JAM3: variants seen among roughly 807,000 people sequenced by gnomAD.
JAM3 encodes the protein junctional adhesion molecule C.
In JAM3, 31 loss-of-function variants were observed where a neutral mutation model predicts 39.4. That is an observed-to-expected ratio of 0.79 (90% confidence interval 0.59 to 1.06). JAM3 has a LOEUF of 1.06. Ranked by LOEUF, JAM3 falls within the 50% of genes least tolerant of loss-of-function variation. The pLI is 0.00. For missense variants in JAM3, 455 were observed against 391.4 expected (o/e 1.16, Z -1.37); for synonymous variants, 182 against 148.7 (o/e 1.22, Z -1.63).
chr11:134,116,354 T>C (rs1290269066), intron 1 of JAM3, among the ~76,000 whole-genome samples: 1 of 152,248 alleles, frequency 6.6e-6, no homozygotes, highest in East Asian at 1.9e-4. Context: ...TCTACATTTG[T>C]TCATTGTAAT....
At chr11:134,092,272 G>A (rs1280478240) in intron 1 of JAM3, among the ~76,000 whole-genome samples, 2 of 152,064 alleles carry the variant, frequency 1.3e-5, no homozygotes, top group Non-Finnish European at 2.9e-5. Flanking sequence ...GTTGCCTGGC[G>A]GAGCCCTCCT....
intron 1 of JAM3, among the ~76,000 whole-genome samples, chr11:134,115,076 C>T (rs913941605): frequency 6.6e-6 from 1 of 152,000 alleles, no homozygotes; most frequent in Admixed American, 6.6e-5. Flanking sequence ...ATGAATTGAC[C>T]TCTTTATCGA....
intron 6 of JAM3, among the ~76,000 whole-genome samples, chr11:134,146,601 TTTG>T (rs1943076749): frequency 6.6e-6 from 1 of 152,080 alleles, no homozygotes; most frequent in Non-Finnish European, 1.5e-5. Flanking sequence ...AGGGTCTTGC[TTTG>T]TTGCCCAGGC....
chr11:134,149,284 C>T lies in JAM3; in HGVS notation c.*103C>T. On this transcript the variant is annotated 3_prime_UTR_variant, in exon 9 of 9. Transcript: ENST00000299106. ...GCTGATGCACTCGGACAGAGCTAGA[C>T]ACTCATTCAGAAGCTTTTCGTTTTG... 2 of 1,389,830 alleles carry T rather than the reference C, an allele frequency of 1.4e-6. No individual in the cohort carries two copies. The highest frequency in any genetic ancestry group is 2.0e-6 in the Non-Finnish European group (2 of 988,320). 86.1% of individuals were successfully genotyped at this position (1,389,830 alleles called of 1,614,324 possible).
At chr11:134,101,349 A>G (rs2120682474) in intron 1 of JAM3, among the ~76,000 whole-genome samples, 1 of 152,344 alleles carries the variant, frequency 6.6e-6, no homozygotes, top group East Asian at 1.9e-4. Context: ...GAGGACAGCT[A>G]TTTAACTATA....
intron 1 of JAM3, among the ~76,000 whole-genome samples, chr11:134,091,703 A>G (rs1323277924): frequency 6.6e-6 from 1 of 151,986 alleles, no homozygotes. Context: ...GAGACAAGTT[A>G]TCACTTAGAA....
intron 6 of JAM3, among the ~76,000 whole-genome samples, chr11:134,147,526 A>C (rs12270157): frequency 1.4e-5 from 2 of 145,906 alleles, no homozygotes; most frequent in South Asian, 2.2e-4. Flanking sequence ...TCGCTCTGTC[A>C]CCCAGGCTGG....
Position 134,123,884 on chromosome 11 carries a change from T to G in JAM3, c.77-15967T>G. The G allele has an allele frequency of 1.6e-5, 15 of 916,706 alleles. No homozygotes were observed. The South Asian group carries it at 1.8e-4, about 11-fold the overall frequency. 56.8% of individuals were successfully genotyped at this position (916,706 alleles called of 1,614,324 possible). Reference sequence around the variant, plus strand: ...AGCGTAATCACATCTTAGGTCAGTATTTCTCCAAGTAAAGCAGCTGTTTGG... The same window carrying G: ...AGCGTAATCACATCTTAGGTCAGTAGTTCTCCAAGTAAAGCAGCTGTTTGG... On this transcript the variant is annotated intron_variant, in intron 1 of 8. Transcript: ENST00000299106.
chr11:134,140,023 G>A, intron 2 of JAM3, 107 bp downstream of exon 2: 3 of 906,716 alleles, frequency 3.3e-6, no homozygotes, highest in Non-Finnish European at 5.4e-6. Flanking sequence ...CCAGGGAGAT[G>A]TTCCGGGTGG....
intron 1 of JAM3, among the ~76,000 whole-genome samples, chr11:134,087,974 G>A (rs1295084881): frequency 6.6e-6 from 1 of 152,152 alleles, no homozygotes; most frequent in Non-Finnish European, 1.5e-5. Context: ...CCCAGTTATG[G>A]CAGCCAAAGA....
chr11:134,127,590 C>G (rs1017284873), intron 1 of JAM3, among the ~76,000 whole-genome samples: 3 of 152,172 alleles, frequency 2.0e-5, no homozygotes, highest in Non-Finnish European at 4.4e-5. Context: ...GTCCCAGCTA[C>G]TCTGGAGGCT....
rs1942959150 is a variant in JAM3, at chr11:134,140,737, ACCAC to A, written c.224_227del (p.Thr75AsnfsTer25). 1 of 1,613,558 alleles carries A rather than the reference ACCAC, an allele frequency of 6.2e-7. No homozygotes were observed. Among genetic ancestry groups the A allele is most frequent in the East Asian group, 2.2e-5 (1 of 44,876 alleles). Reference sequence around the variant, plus strand: ...GTGGAAGAAAATTCAAGATGAACAAACCACATATGTGTTTTTTGACAACAAAATT... The same window carrying A: ...GTGGAAGAAAATTCAAGATGAACAAAATATGTGTTTTTTGACAACAAAATT... On this transcript the variant is annotated frameshift_variant, in exon 3 of 9. Coordinates refer to ENST00000299106, the MANE Select transcript of JAM3 (RefSeq NM_032801.5). LOFTEE classifies it high-confidence loss of function.
At chr11:134,079,390 C>T (rs532087626) in intron 1 of JAM3, among the ~76,000 whole-genome samples, 1 of 152,254 alleles carries the variant, frequency 6.6e-6, no homozygotes, top group South Asian at 2.1e-4. Flanking sequence ...CCGAGCTTTC[C>T]AGCTGAAATC....
chr11:134,126,137 G>A (rs1237526825), intron 1 of JAM3, among the ~76,000 whole-genome samples: 1 of 152,122 alleles, frequency 6.6e-6, no homozygotes, highest in Non-Finnish European at 1.5e-5. Context: ...CCCAGGAAAA[G>A]CATAGATTTT....
intron 1 of JAM3, among the ~76,000 whole-genome samples, chr11:134,107,274 T>C (rs1349119511): frequency 2.6e-5 from 4 of 152,004 alleles, no homozygotes; most frequent in South Asian, 2.1e-4. Context: ...TAGGTGGGAA[T>C]TGAACAATGA....
intron 3 of JAM3, among the ~76,000 whole-genome samples, chr11:134,142,932 T>C (rs1181336542): frequency 6.6e-6 from 1 of 152,232 alleles, no homozygotes; most frequent in African/African-American, 2.4e-5. Flanking sequence ...TGTCCGTACT[T>C]CATTTCTTTT....
intron 1 of JAM3, among the ~76,000 whole-genome samples, chr11:134,073,503 C>T (rs1005172123): frequency 1.3e-5 from 2 of 152,170 alleles, no homozygotes; most frequent in Non-Finnish European, 2.9e-5. Flanking sequence ...CTATGTTTGA[C>T]AACCTCAGCC....
At chr11:134,142,850 A>C (rs1216927083) in intron 3 of JAM3, among the ~76,000 whole-genome samples, 1 of 152,176 alleles carries the variant, frequency 6.6e-6, no homozygotes, top group Non-Finnish European at 1.5e-5. Flanking sequence ...ACTGGATAGA[A>C]ACTGTGGTCT....
chr11:134,104,243 G>A (rs570455702), intron 1 of JAM3, among the ~76,000 whole-genome samples: 62 of 152,122 alleles, frequency 4.1e-4, no homozygotes, highest in Admixed American at 1.1e-3. Context: ...TGAACAACCT[G>A]CTCCTGAATG....
Sources: allele counts gnomAD v4.1 joint callset (sites outside exome capture counted in the v4.1 genomes callset), GRCh38; gene constraint gnomAD v4.1.1; transcripts MANE v1.5; gene names NCBI Gene and HGNC (gene_info 2026-07-23, HGNC 2026-07-21).